The following PDCD10 variants were observed in gnomAD, a reference collection of about 807,000 sequenced individuals.
PDCD10 encodes the protein programmed cell death protein 10.
In PDCD10, 4 loss-of-function variants were observed where a neutral mutation model predicts 29.2. The observed-to-expected ratio is 0.14, with a 90% CI of 0.07 to 0.31. PDCD10 has a LOEUF of 0.31. Among genes scored for constraint, PDCD10 ranks in the 10% least tolerant of loss-of-function variants. The pLI is 1.00. For synonymous variants in PDCD10, 70 were observed against 82.2 expected, an observed-to-expected ratio of 0.85 and a Z score of 0.80; for missense variants, 183 against 257.9, an observed-to-expected ratio of 0.71 and a Z score of 1.99.
intron 3 of PDCD10, among the ~76,000 whole-genome samples, chr3:167,716,600 TAA>T (rs34154001): frequency 6.6e-6 from 1 of 150,674 alleles, no homozygotes; most frequent in Admixed American, 6.6e-5. Flanking sequence ...TTTATCTTCT[TAA>T]AAAAAAAGTA....
chr3:167,696,299 G>T (rs1480746073), intron 5 of PDCD10, among the ~76,000 whole-genome samples: 2 of 152,114 alleles, frequency 1.3e-5, no homozygotes, highest in Non-Finnish European at 2.9e-5. Context: ...TTTTGGAAAG[G>T]AGACTTCACT....
intron 2 of PDCD10, among the ~76,000 whole-genome samples, chr3:167,723,911 AT>A (rs1158783602): frequency 1.3e-5 from 2 of 152,194 alleles, no homozygotes; most frequent in Admixed American, 6.5e-5. Context: ...AGCACTGCTA[AT>A]TTTTAACAGA....
In PDCD10 at chr3:167,722,778, C is replaced by T. The variant is rs1470410088; in HGVS notation, c.-116-2505G>A. ...AGAGGTAAAGGGATAAGGTAAGTGGCCAGAGTCACTTTCAGAATTACTGCT... is the reference window on the plus strand; with the variant it reads ...AGAGGTAAAGGGATAAGGTAAGTGGTCAGAGTCACTTTCAGAATTACTGCT... On this transcript the variant is annotated intron_variant, in intron 2 of 8. Transcript: ENST00000392750. Among the ~76,000 whole-genome samples the T allele has an allele frequency of 3.9e-5, 6 of 152,216 alleles. No individual in the cohort carries two copies. The East Asian group carries it at 7.7e-4, about 20-fold the overall frequency.
In PDCD10 at chr3:167,726,870, T is replaced by C. The variant is rs191812153; in HGVS notation, c.-116-6597A>G. Among the ~76,000 whole-genome samples the C allele has an allele frequency of 2.2e-3, 331 of 152,236 alleles. 1 individual carries two copies. The highest frequency in any genetic ancestry group is 3.4e-3 in the Middle Eastern group (1 of 294). The stretch of plus-strand genomic sequence containing the variant: ...GCCTCACCCTAGTCCTGCCCCTGCA[T>C]AACATACACAATGAGAGTCAAACAC... On this transcript the variant is annotated intron_variant, in intron 2 of 8. Coordinates refer to ENST00000392750, the MANE Select transcript of PDCD10 (RefSeq NM_007217.4).
rs531369160 is a variant in PDCD10, at chr3:167,731,231, T to A, written c.-117+2983A>T. 2.0e-5 allele frequency among the ~76,000 whole-genome samples: 3 copies of A among 151,872 alleles called. No individual in the cohort carries two copies. The South Asian group carries it at 6.2e-4, about 32-fold the overall frequency. On this transcript the variant is annotated intron_variant, in intron 2 of 8. Coordinates refer to ENST00000392750, the MANE Select transcript of PDCD10 (RefSeq NM_007217.4). ...ACGAGACAACATTAGGGAAGAAGAG[T>A]CCATTAGAAGTTTCTTCCATGTCTA...
intron 2 of PDCD10, among the ~76,000 whole-genome samples, chr3:167,725,049 G>A (rs149669994): frequency 6.6e-6 from 1 of 152,080 alleles, no homozygotes; most frequent in Non-Finnish European, 1.5e-5. Flanking sequence ...TTGAGGTCAG[G>A]AGTTCAAGAC....
At position 167,720,151 on chromosome 3, in the gene PDCD10, T is replaced by C; in HGVS notation, c.7A>G (p.Met3Val). The C allele has an allele frequency of 6.2e-7, 1 of 1,610,360 alleles. No homozygotes were observed. The highest frequency in any genetic ancestry group is 8.5e-7 in the Non-Finnish European group (1 of 1,176,944). The change falls in exon 3 of 9, where the codon ATG becomes GTG. Residue 3 changes from methionine (M) to valine (V), a missense_variant. Met to Val is a conservative substitution (Grantham distance 21). Transcript: ENST00000392750. MR[M>V]TMEEMKNEAE... The stretch of plus-strand genomic sequence containing the variant: ...TCATTCTTCATCTCTTCCATTGTCA[T>C]CCTCATTCAAAAGCCAACTACAGTT...
intron 5 of PDCD10, among the ~76,000 whole-genome samples, chr3:167,696,697 A>G (rs2108407561): frequency 1.3e-5 from 2 of 152,330 alleles, no homozygotes; most frequent in South Asian, 4.1e-4. Flanking sequence ...AAGTCAACAC[A>G]TTCCAAATAA....
At chr3:167,720,978 G>C (rs1723503270) in intron 2 of PDCD10, among the ~76,000 whole-genome samples, 1 of 152,006 alleles carries the variant, frequency 6.6e-6, no homozygotes, top group African/African-American at 2.4e-5. Flanking sequence ...GAGGCTGGTA[G>C]TTTGGATTAA....
chr3:167,707,530 A>C (rs917680548), intron 3 of PDCD10, among the ~76,000 whole-genome samples: 9 of 151,952 alleles, frequency 5.9e-5, no homozygotes, highest in Non-Finnish European at 1.2e-4. Context: ...TACAAAAAAA[A>C]ATTAGCTGGG....
chr3:167,714,125 T>A (rs1030136124), intron 3 of PDCD10, among the ~76,000 whole-genome samples: 9 of 151,844 alleles, frequency 5.9e-5, no homozygotes, highest in African/African-American at 2.2e-4. Context: ...CAATCTCTGA[T>A]AAATAAATCC....
At chr3:167,724,435 A>G (rs1381917285) in intron 2 of PDCD10, among the ~76,000 whole-genome samples, 4 of 152,158 alleles carry the variant, frequency 2.6e-5, no homozygotes, top group Non-Finnish European at 4.4e-5. Flanking sequence ...ATCTCCAACA[A>G]ATGTGCATGA....
intron 2 of PDCD10, among the ~76,000 whole-genome samples, chr3:167,724,818 T>C (rs572946887): frequency 2.0e-5 from 3 of 152,212 alleles, no homozygotes; most frequent in Admixed American, 6.5e-5. Context: ...TAGGAATTTC[T>C]TTAAGACAAA....
chr3:167,720,012 G>A (rs186047590), intron 3 of PDCD10, 50 bp downstream of exon 3: 388 of 1,076,932 alleles, frequency 3.6e-4, no homozygotes, highest in African/African-American at 2.1e-3. Flanking sequence ...AAATAAAGCA[G>A]GAATTAAAGA....
intron 6 of PDCD10, among the ~76,000 whole-genome samples, chr3:167,692,956 T>C (rs1206951253): frequency 6.6e-6 from 1 of 152,154 alleles, no homozygotes; most frequent in Non-Finnish European, 1.5e-5. Context: ...AAAAAAACCC[T>C]TAGTGTTTGT....
intron 4 of PDCD10, chr3:167,704,619 A>T (rs1721785897): frequency 1.1e-5 from 5 of 451,678 alleles, no homozygotes. Flanking sequence ...TGAAAAACTC[A>T]GTTTCAAAAG....
intron 2 of PDCD10, among the ~76,000 whole-genome samples, chr3:167,721,256 C>G (rs1474742969): frequency 1.3e-5 from 2 of 152,082 alleles, no homozygotes; most frequent in Non-Finnish European, 2.9e-5. Flanking sequence ...AACTGCAATT[C>G]TAATTTTACA....
rs150982913 is a variant in PDCD10, at chr3:167,693,294, A to C, written c.395+2302T>G. Among the ~76,000 whole-genome samples, 9 of 152,380 alleles carry C rather than the reference A, an allele frequency of 5.9e-5. No homozygotes were observed. In the East Asian group the frequency reaches 1.7e-3, roughly 29 times the overall value. ...AGTACACAGACATTTCAACTTGTAC[A>C]TAATTCTGAACATATGTACTGCAAA... On this transcript the variant is annotated intron_variant, in intron 6 of 8. Transcript: ENST00000392750.
At chr3:167,723,200 T>C (rs372620473) in intron 2 of PDCD10, among the ~76,000 whole-genome samples, 2 of 152,230 alleles carry the variant, frequency 1.3e-5, no homozygotes, top group Non-Finnish European at 1.5e-5. Context: ...AGTTAAAATA[T>C]GCCTTTGTCA....
Sources: allele counts gnomAD v4.1 joint callset (sites outside exome capture counted in the v4.1 genomes callset), GRCh38; gene constraint gnomAD v4.1.1; transcripts MANE v1.5; gene names NCBI Gene and HGNC (gene_info 2026-07-23, HGNC 2026-07-21).